RIMS1: variants seen among roughly 807,000 people sequenced by gnomAD.
RIMS1 encodes the protein regulating synaptic membrane exocytosis protein 1.
A neutral mutation model predicts 214.1 loss-of-function variants in RIMS1; 83 were observed. The ratio of observed to expected loss-of-function variants is 0.39; its 90% CI spans 0.32 to 0.47. The LOEUF (loss-of-function observed/expected upper bound fraction) is 0.47. RIMS1 is among the 20% of genes least tolerant of loss of function. The probability of loss-of-function intolerance (pLI) is 0.99; values close to 1 mark genes in which losing one functional copy is unlikely to be tolerated. For missense variants in RIMS1, 2,050 were observed against 2,161.8 expected, an observed-to-expected ratio of 0.95 and a Z score of 1.03; for synonymous variants, 793 against 786.8, an observed-to-expected ratio of 1.01 and a Z score of -0.13.
chr6:72,046,521 G>A (rs774633266), intron 2 of RIMS1, among the ~76,000 whole-genome samples: 6 of 152,030 alleles, frequency 3.9e-5, no homozygotes, highest in African/African-American at 9.7e-5. Flanking sequence ...GGATGGGAAC[G>A]GGGAAAGGTA....
At chr6:72,333,450 T>C (rs1348514681) in intron 28 of RIMS1, 150 bp from the exon 29 acceptor site, 9 of 589,510 alleles carry the variant, frequency 1.5e-5, no homozygotes, top group Non-Finnish European at 2.7e-5. Context: ...GGTGTGATAC[T>C]AAAGTATTTG....
chr6:72,049,706 A>G (rs1824079891), intron 2 of RIMS1, among the ~76,000 whole-genome samples: 1 of 152,212 alleles, frequency 6.6e-6, no homozygotes, highest in African/African-American at 2.4e-5. Flanking sequence ...TCATTTGGGG[A>G]AAAATATTAA....
intron 4 of RIMS1, among the ~76,000 whole-genome samples, chr6:72,110,746 A>C (rs1025181124): frequency 3.3e-5 from 5 of 152,108 alleles, no homozygotes; most frequent in East Asian, 1.9e-4. Context: ...TATGTTGAAT[A>C]GGAGTGGTGA....
chr6:72,075,457 A>G (rs911234923), intron 2 of RIMS1, among the ~76,000 whole-genome samples: 5 of 152,150 alleles, frequency 3.3e-5, no homozygotes, highest in East Asian at 1.9e-4. Context: ...TTCTAATGAT[A>G]AAGTCCATTA....
intron 6 of RIMS1, among the ~76,000 whole-genome samples, chr6:72,205,416 G>C (rs2153999725): frequency 6.6e-6 from 1 of 152,310 alleles, no homozygotes; most frequent in Non-Finnish European, 1.5e-5. Flanking sequence ...ATTAGGTGTA[G>C]GGGCTGCCAA....
rs564622861 is a variant in RIMS1, at chr6:72,167,227, G to A, written c.472-12348G>A. ...ATTTTATATATAAAATGTTTATTTT[G>A]CATATATATGTGTATATATATTTCC... On this transcript the variant is annotated intron_variant, in intron 4 of 33. Transcript: ENST00000521978. Among the ~76,000 whole-genome samples the A allele has an allele frequency of 5.3e-5, 8 of 151,024 alleles. No individual in the cohort carries two copies. In the South Asian group the frequency reaches 1.7e-3, roughly 32 times the overall value.
intron 1 of RIMS1, among the ~76,000 whole-genome samples, chr6:71,909,387 G>A (rs1315106890): frequency 6.6e-6 from 1 of 152,096 alleles, no homozygotes; most frequent in Non-Finnish European, 1.5e-5. Flanking sequence ...AGTGTGTTTA[G>A]TGGCATACCT....
At chr6:72,213,001 A>G (rs1208783976) in intron 6 of RIMS1, 5 of 1,474,412 alleles carry the variant, frequency 3.4e-6, no homozygotes, top group Admixed American at 4.7e-5. Context: ...GTTCAATGAT[A>G]TAAGCAGAGT....
intron 1 of RIMS1, among the ~76,000 whole-genome samples, chr6:71,890,596 A>AAAAAAAAAAAAAAAC (rs1554194854): frequency 3.5e-5 from 4 of 112,950 alleles, no homozygotes; most frequent in African/African-American, 7.0e-5. Context: ...AAAAAAAAAA[A>AAAAAAAAAAAAAAAC]ACTTCATAGA....
At chr6:72,117,501 C>T (rs903745740) in intron 4 of RIMS1, among the ~76,000 whole-genome samples, 9 of 151,784 alleles carry the variant, frequency 5.9e-5, no homozygotes, top group African/African-American at 2.2e-4. Flanking sequence ...TTCTCATCAG[C>T]ACATGTAACA....
At chr6:72,000,687 T>A (rs1216274205) in intron 2 of RIMS1, among the ~76,000 whole-genome samples, 1 of 152,206 alleles carries the variant, frequency 6.6e-6, no homozygotes, top group African/African-American at 2.4e-5. Flanking sequence ...CATTCAAGTC[T>A]GCCCCATCTA....
intron 2 of RIMS1, among the ~76,000 whole-genome samples, chr6:72,093,228 A>ATATATATATATATATATATATATACATAT (rs200655727): frequency 7.3e-6 from 1 of 136,964 alleles, no homozygotes; most frequent in East Asian, 2.1e-4. Context: ...ATATATATAT[A>ATATATATATATATATATATATATACATAT]AAAACATGTG....
At chr6:72,076,256 T>A (rs1442949123) in intron 2 of RIMS1, among the ~76,000 whole-genome samples, 4 of 152,188 alleles carry the variant, frequency 2.6e-5, no homozygotes, top group Non-Finnish European at 5.9e-5. Context: ...GGAAACTCAG[T>A]ATATTAGCTT....
At chr6:71,890,304 C>G (rs375367037) in intron 1 of RIMS1, among the ~76,000 whole-genome samples, 1 of 135,926 alleles carries the variant, frequency 7.4e-6, no homozygotes. Context: ...GGCCATATAA[C>G]TGGAAATAGT....
intron 21 of RIMS1, 124 bp downstream of exon 21, chr6:72,265,627 C>G: frequency 1.7e-6 from 1 of 587,494 alleles, no homozygotes; most frequent in Non-Finnish European, 2.9e-6. Context: ...GCATCTGTTC[C>G]TGGTAATGAA....
chr6:72,174,935 T>A (rs1159825085), intron 4 of RIMS1, among the ~76,000 whole-genome samples: 4 of 152,034 alleles, frequency 2.6e-5, no homozygotes, highest in African/African-American at 9.7e-5. Flanking sequence ...AATAAAAGAC[T>A]AAGAGAAACA....
At position 72,375,301 on chromosome 6, in the gene RIMS1, AT is replaced by A. The variant is rs1226512640; in HGVS notation, c.4367-15293del. On this transcript the variant is annotated intron_variant, in intron 29 of 33. Transcript: ENST00000521978. The stretch of plus-strand genomic sequence containing the variant: ...AATTGATTTTTATCTCTCTTCTTAC[AT>A]TTTACAGAATTTCTCCTGTATTTAC... Among the ~76,000 whole-genome samples the A allele has an allele frequency of 4.6e-5, 7 of 152,168 alleles. No homozygotes were observed. The South Asian group carries it at 6.2e-4, about 14-fold the overall frequency.
chr6:71,978,296 T>C (rs1797660400), intron 2 of RIMS1, among the ~76,000 whole-genome samples: 1 of 152,170 alleles, frequency 6.6e-6, no homozygotes, highest in Non-Finnish European at 1.5e-5. Flanking sequence ...AAATCTCACT[T>C]GTATTACTGT....
At chr6:72,018,596 G>A (rs549841852) in intron 2 of RIMS1, among the ~76,000 whole-genome samples, 1 of 152,232 alleles carries the variant, frequency 6.6e-6, no homozygotes, top group South Asian at 2.1e-4. Context: ...TAAAGCCATG[G>A]GCTGGGAAGA....
Sources: allele counts gnomAD v4.1 joint callset (sites outside exome capture counted in the v4.1 genomes callset), GRCh38; gene constraint gnomAD v4.1.1; transcripts MANE v1.5; gene names NCBI Gene and HGNC (gene_info 2026-07-23, HGNC 2026-07-21).